ASAP1: variants seen among roughly 807,000 people sequenced by gnomAD.
The protein encoded by ASAP1 is ArfGAP with SH3 domain, ankyrin repeat and PH domain 1.
In ASAP1, 43 loss-of-function variants were observed where a neutral mutation model predicts 145.2. The observed-to-expected ratio is 0.30, with a 90% CI of 0.23 to 0.38. The LOEUF (loss-of-function observed/expected upper bound fraction) is 0.38, where lower values mean the gene tolerates loss of function less well. ASAP1 is among the 10% of genes least tolerant of loss of function. ASAP1 has a pLI of 1.00. For missense variants in ASAP1, 1,018 were observed against 1,355.3 expected, an observed-to-expected ratio of 0.75 and a Z score of 3.91; for synonymous variants, 546 against 515.5, an observed-to-expected ratio of 1.06 and a Z score of -0.80.
intron 1 of ASAP1, among the ~76,000 whole-genome samples, chr8:130,420,278 AC>A (rs1266814740): frequency 2.8e-5 from 4 of 141,514 alleles, no homozygotes; most frequent in Non-Finnish European, 4.7e-5. Context: ...ACACACACAC[AC>A]AATAGCAATA....
intron 4 of ASAP1, among the ~76,000 whole-genome samples, chr8:130,217,917 C>T (rs1013663489): frequency 6.6e-6 from 1 of 152,086 alleles, no homozygotes; most frequent in Non-Finnish European, 1.5e-5. Flanking sequence ...TCACAGCAGT[C>T]CAATGAAACG....
At chr8:130,350,825 G>C (rs1369469411) in intron 3 of ASAP1, among the ~76,000 whole-genome samples, 1 of 152,348 alleles carries the variant, frequency 6.6e-6, no homozygotes, top group Middle Eastern at 3.4e-3. Flanking sequence ...CAGGAAGCTG[G>C]AAGCAGACAG....
Position 130,060,657 on chromosome 8 carries a change from C to T in ASAP1, c.3114G>A (p.Lys1038=), listed in dbSNP as rs1264317026. 6.2e-7 allele frequency: 1 copy of T among 1,614,008 alleles called. No individual in the cohort carries two copies. The highest frequency in any genetic ancestry group is 8.5e-7 in the Non-Finnish European group (1 of 1,180,026). The stretch of plus-strand genomic sequence containing the variant: ...GGTCGTTGGAGTCTTCAGATGCTTG[C>T]TTTTGGATGGCGTCTCTGGACTGCA... ...PNVQSRDAIQ[K]QASEDSNDLT... The change falls in exon 28 of 30, where the codon AAG becomes AAA. Residue 1038 remains lysine (K), a synonymous_variant. Coordinates refer to ENST00000518721, the MANE Select transcript of ASAP1 (RefSeq NM_018482.4).
chr8:130,169,195 T>C, intron 9 of ASAP1, 128 bp from the exon 10 acceptor site: 2 of 530,350 alleles, frequency 3.8e-6, no homozygotes, highest in Non-Finnish European at 3.4e-6. Context: ...TCTGTATATA[T>C]ATACTCATTC....
chr8:130,308,207 A>T (rs1438799563), intron 3 of ASAP1, among the ~76,000 whole-genome samples: 3 of 152,230 alleles, frequency 2.0e-5, no homozygotes, highest in Non-Finnish European at 4.4e-5. Flanking sequence ...TAAGATTTTC[A>T]CAGTTGTCCA....
At chr8:130,295,515 T>A (rs11995309) in intron 3 of ASAP1, among the ~76,000 whole-genome samples, 1 of 152,202 alleles carries the variant, frequency 6.6e-6, no homozygotes, top group African/African-American at 2.4e-5. Flanking sequence ...GGATACGGGA[T>A]AATAATACCT....
At chr8:130,368,743 G>A (rs1040801548) in intron 2 of ASAP1, among the ~76,000 whole-genome samples, 8 of 152,210 alleles carry the variant, frequency 5.3e-5, no homozygotes, top group African/African-American at 9.7e-5. Context: ...GCTGGCCTAA[G>A]AATGATCATA....
rs1394587637 is a variant in ASAP1, at chr8:130,358,089, G to A, written c.114C>T (p.Tyr38=). 1 of 1,610,644 alleles carries A rather than the reference G, an allele frequency of 6.2e-7. No individual in the cohort carries two copies. The highest frequency in any genetic ancestry group is 8.5e-7 in the Non-Finnish European group (1 of 1,178,908). The change falls in exon 3 of 30, where the codon TAC becomes TAT. Residue 38 remains tyrosine, a synonymous_variant. Transcript: ENST00000518721. This position sits in a 1 kb window ranked among gnomAD's most constrained non-coding sequence, Gnocchi z 4.1. Reference sequence around the variant, plus strand: ...TGAAGCTGGACGTGGTGGGCGAGTTGTAGTCCTCGGTGGTCTCGGCGATGA... The same window carrying A: ...TGAAGCTGGACGTGGTGGGCGAGTTATAGTCCTCGGTGGTCTCGGCGATGA... ...SEFIAETTED[Y]NSPTTSSFTT...
chr8:130,394,273 A>G (rs1310195768), intron 2 of ASAP1, among the ~76,000 whole-genome samples: 4 of 152,200 alleles, frequency 2.6e-5, no homozygotes, highest in African/African-American at 9.6e-5. Context: ...AACATCCCTG[A>G]GAAAGAGAAT....
intron 3 of ASAP1, among the ~76,000 whole-genome samples, chr8:130,298,168 C>T (rs557055572): frequency 6.6e-6 from 1 of 152,320 alleles, no homozygotes; most frequent in South Asian, 2.1e-4. Context: ...GGATACTGCA[C>T]AACCAATCCA....
chr8:130,342,158 AG>A (rs1006076456), intron 3 of ASAP1, among the ~76,000 whole-genome samples: 3 of 152,146 alleles, frequency 2.0e-5, no homozygotes, highest in Non-Finnish European at 4.4e-5. Flanking sequence ...TGAGACCCCA[AG>A]GGCAATCAAG....
At chr8:130,270,183 A>G (rs1461252415) in intron 3 of ASAP1, among the ~76,000 whole-genome samples, 1 of 152,236 alleles carries the variant, frequency 6.6e-6, no homozygotes, top group African/African-American at 2.4e-5. Context: ...AAAATAAAAA[A>G]TCAAACCAAA....
chr8:130,334,138 GGCA>G (rs1824882089), intron 3 of ASAP1, among the ~76,000 whole-genome samples: 1 of 152,162 alleles, frequency 6.6e-6, no homozygotes, highest in Admixed American at 6.5e-5. Context: ...TGCTCCTTCT[GGCA>G]GCAGCAGAAG....
chr8:130,434,006 C>T (rs150572319), intron 1 of ASAP1, among the ~76,000 whole-genome samples: 34 of 152,266 alleles, frequency 2.2e-4, no homozygotes, highest in African/African-American at 7.5e-4. Flanking sequence ...ACACAGATCG[C>T]CTTGCTTAAA....
intron 13 of ASAP1, among the ~76,000 whole-genome samples, chr8:130,147,902 G>A (rs1208917251): frequency 6.6e-6 from 1 of 152,184 alleles, no homozygotes; most frequent in Non-Finnish European, 1.5e-5. Context: ...GTTGGTGTTG[G>A]TTGATTGAGA....
intron 25 of ASAP1, chr8:130,084,910 T>C (rs951716519): frequency 3.3e-5 from 5 of 152,182 alleles, no homozygotes; most frequent in African/African-American, 9.7e-5. Flanking sequence ...AGTAAACCAA[T>C]TTTTGGTATA....
At chr8:130,254,381 G>A (rs767446838) in intron 3 of ASAP1, among the ~76,000 whole-genome samples, 1 of 152,182 alleles carries the variant, frequency 6.6e-6, no homozygotes, top group Non-Finnish European at 1.5e-5. Context: ...CAAATGGTGA[G>A]AAGTAATCAT....
chr8:130,265,592 AG>A (rs1486103383), intron 3 of ASAP1, among the ~76,000 whole-genome samples: 1 of 147,980 alleles, frequency 6.8e-6, no homozygotes, highest in African/African-American at 2.5e-5. Context: ...AAAAAAAAAA[AG>A]GTCAGGTTTG....
chr8:130,246,540 C>T (rs988925135), intron 3 of ASAP1, among the ~76,000 whole-genome samples: 4 of 152,166 alleles, frequency 2.6e-5, no homozygotes, highest in Non-Finnish European at 5.9e-5. Flanking sequence ...CTTCCACTCT[C>T]TCTCTCTCCA....
Sources: allele counts gnomAD v4.1 joint callset (sites outside exome capture counted in the v4.1 genomes callset), GRCh38; gene constraint gnomAD v4.1.1; non-coding constraint Gnocchi (gnomAD v3.1); transcripts MANE v1.5; gene names NCBI Gene and HGNC (gene_info 2026-07-23, HGNC 2026-07-21).